Variants in MAD1L1 observed in about 807,000 individuals in gnomAD.
MAD1L1 encodes the protein mitotic arrest deficient 1 like 1, also known as mitotic spindle assembly checkpoint protein MAD1.
Under a neutral mutation model 96.9 loss-of-function variants are expected in MAD1L1, and 95 were observed. The ratio of observed to expected loss-of-function variants is 0.98; its 90% CI spans 0.83 to 1.16. The LOEUF is 1.16. Among genes scored for constraint, MAD1L1 ranks in the 50% most tolerant of loss-of-function variants. The pLI, the probability that MAD1L1 is intolerant of heterozygous loss-of-function variation, is 0.00. For missense variants in MAD1L1, 1,007 were observed against 954.4 expected (o/e 1.06, Z -0.73); for synonymous variants, 473 against 396.6 (o/e 1.19, Z -2.29).
chr7:1,997,584 C>G (rs1781612673), intron 14 of MAD1L1, among the ~76,000 whole-genome samples: 1 of 152,280 alleles, frequency 6.6e-6, no homozygotes, highest in South Asian at 2.1e-4. Flanking sequence ...TGTCCCGCAG[C>G]CCAGAGACCC....
intron 18 of MAD1L1, among the ~76,000 whole-genome samples, chr7:1,840,077 C>A (rs1001747025): frequency 6.6e-6 from 1 of 152,220 alleles, no homozygotes; most frequent in African/African-American, 2.4e-5. Flanking sequence ...GAGCCACACC[C>A]CACCCTTTCC....
At chr7:2,165,152 C>T (rs1011930079) in intron 10 of MAD1L1, among the ~76,000 whole-genome samples, 29 of 150,432 alleles carry the variant, frequency 1.9e-4, no homozygotes, top group Admixed American at 9.3e-4. Flanking sequence ...TGCAGTGAGC[C>T]GAGATCGCAC....
intron 12 of MAD1L1, among the ~76,000 whole-genome samples, chr7:2,049,148 G>A (rs962312678): frequency 1.3e-5 from 2 of 152,244 alleles, no homozygotes; most frequent in Admixed American, 6.5e-5. Flanking sequence ...GGGGTGAGGC[G>A]TGCATGCTTC....
At chr7:1,841,088 G>A (rs530518197) in intron 18 of MAD1L1, among the ~76,000 whole-genome samples, 1 of 152,344 alleles carries the variant, frequency 6.6e-6, no homozygotes, top group African/African-American at 2.4e-5. Context: ...TCTACTCTGT[G>A]GGGGGCAGGT....
intron 18 of MAD1L1, among the ~76,000 whole-genome samples, chr7:1,855,347 G>C (rs1390652377): frequency 1.3e-5 from 2 of 151,976 alleles, no homozygotes; most frequent in East Asian, 3.9e-4. Flanking sequence ...CGATGACAGC[G>C]ACAAGCTGAG....
intron 15 of MAD1L1, among the ~76,000 whole-genome samples, chr7:1,966,286 A>G (rs1468783493): frequency 6.6e-6 from 1 of 152,204 alleles, no homozygotes. Context: ...TCTTCTCACA[A>G]TGCTCAGGAC....
chr7:2,154,542 T>C (rs559666189), intron 10 of MAD1L1, among the ~76,000 whole-genome samples: 1 of 152,270 alleles, frequency 6.6e-6, no homozygotes, highest in Non-Finnish European at 1.5e-5. Flanking sequence ...TTACCCCAAA[T>C]ACCCTAAACT....
chr7:2,156,766 A>C (rs1333572779), intron 10 of MAD1L1, among the ~76,000 whole-genome samples: 1 of 150,802 alleles, frequency 6.6e-6, no homozygotes, highest in Non-Finnish European at 1.5e-5. Flanking sequence ...GGTTACAGTG[A>C]GCTGAGACCA....
chr7:2,065,620 C>A (rs910815450), intron 12 of MAD1L1, among the ~76,000 whole-genome samples: 5 of 152,196 alleles, frequency 3.3e-5, no homozygotes, highest in Admixed American at 6.5e-5. Flanking sequence ...GAAACTCAGA[C>A]CCTCAACAAC....
chr7:2,085,731 T>C (rs928995024), intron 11 of MAD1L1, among the ~76,000 whole-genome samples: 2 of 152,206 alleles, frequency 1.3e-5, no homozygotes, highest in African/African-American at 4.8e-5. Context: ...TGAGGGGCAT[T>C]TGGGTTGGCC....
intron 6 of MAD1L1, 103 bp from the exon 7 acceptor site, chr7:2,218,146 T>G: frequency 1.1e-5 from 9 of 829,412 alleles, no homozygotes; most frequent in Middle Eastern, 2.3e-4. Flanking sequence ...CATACGTTCA[T>G]TCCCACCCCA....
chr7:1,932,784 T>C (rs1789555905), intron 17 of MAD1L1, among the ~76,000 whole-genome samples: 1 of 152,236 alleles, frequency 6.6e-6, no homozygotes, highest in African/African-American at 2.4e-5. Flanking sequence ...ACTTCTGTTA[T>C]CATCTGCTTT....
Position 2,054,072 on chromosome 7 carries a change from G to A in MAD1L1, c.1218+15122C>T, listed in dbSNP as rs145702373. On this transcript the variant is annotated intron_variant, in intron 12 of 18. Transcript: ENST00000265854. ...CACTCCCACCAGGGCCAGAGCCCAC[G>A]AGCACTGCTGCTCCCAGCCCACCTC... Among the ~76,000 whole-genome samples, 40 of 152,314 alleles carry A rather than the reference G, an allele frequency of 2.6e-4. No homozygotes were observed. In the East Asian group the frequency reaches 7.5e-3, roughly 29 times the overall value.
rs137910535 is a variant in MAD1L1 at position 2,002,679 on chromosome 7, C to T, written c.1360-558G>A. Among the ~76,000 whole-genome samples the T allele has an allele frequency of 4.7e-3, 711 of 152,296 alleles. 4 individuals are homozygous for T. The highest frequency in any genetic ancestry group is 0.016 in the African/African-American group (663 of 41,558). On this transcript the variant is annotated intron_variant, in intron 13 of 18. Transcript: ENST00000265854. ...CTCCCCAAAGGGCACCAGGCTTGAC[C>T]CCACACTAAGGGTAGAAAAGCCAGC... is the stretch of plus-strand genomic sequence containing the variant.
chr7:2,018,332 G>A lies in MAD1L1; in HGVS notation c.1219-3690C>T, dbSNP rs535988777. ...AAATGCAGCATGGCACAGAAAACCAGGCACACGGAACCCGCATACACAGGC... is the reference window on the plus strand; with the variant it reads ...AAATGCAGCATGGCACAGAAAACCAAGCACACGGAACCCGCATACACAGGC... On this transcript the variant is annotated intron_variant, in intron 12 of 18. Coordinates refer to ENST00000265854, the MANE Select transcript of MAD1L1 (RefSeq NM_001013836.2). Among the ~76,000 whole-genome samples the A allele has an allele frequency of 1.1e-4, 16 of 152,350 alleles. No individual in the cohort carries two copies. In the South Asian group the frequency reaches 3.3e-3, roughly 32 times the overall value.
intron 17 of MAD1L1, among the ~76,000 whole-genome samples, chr7:1,910,110 G>A (rs183029338): frequency 2.4e-3 from 369 of 152,112 alleles, no homozygotes; most frequent in Admixed American, 4.8e-3. Flanking sequence ...AGGCGGGCGC[G>A]GATATCATAT....
intron 11 of MAD1L1, among the ~76,000 whole-genome samples, chr7:2,109,880 A>G (rs538043251): frequency 6.6e-6 from 1 of 152,372 alleles, no homozygotes; most frequent in Admixed American, 6.5e-5. Flanking sequence ...CCGTTTGGGT[A>G]CTTTCTGAAC....
rs775096634 is a variant in MAD1L1 at position 2,091,951 on chromosome 7, G to A, written c.1074-22613C>T. Among the ~76,000 whole-genome samples the A allele has an allele frequency of 5.9e-5, 9 of 152,088 alleles. No homozygotes were observed. In the South Asian group the frequency reaches 8.3e-4, roughly 14 times the overall value. ...CTATGAATAAACCTGCTATAAACACGCACATTCAGGTCTCTGTGTGGACAC... is the reference window on the plus strand; with the variant it reads ...CTATGAATAAACCTGCTATAAACACACACATTCAGGTCTCTGTGTGGACAC... On this transcript the variant is annotated intron_variant, in intron 11 of 18. Coordinates refer to ENST00000265854, the MANE Select transcript of MAD1L1 (RefSeq NM_001013836.2).
chr7:2,190,590 A>G (rs4719457), intron 10 of MAD1L1, among the ~76,000 whole-genome samples: 50,060 of 152,168 alleles, frequency 0.33, 9,418 homozygotes, highest in East Asian at 0.73. Flanking sequence ...GAATATATAT[A>G]GTACTCTGCC....
Sources: gnomAD v4.1 joint callset for allele counts (sites outside exome capture counted in the v4.1 genomes callset) on GRCh38, gnomAD v4.1.1 for gene constraint, MANE v1.5 for transcripts, NCBI Gene and HGNC (gene_info 2026-07-23, HGNC 2026-07-21) for gene names.